Variants in TMIGD3 observed in about 807,000 individuals in gnomAD.
The protein encoded by TMIGD3 is transmembrane and immunoglobulin domain containing 3.
TMIGD3 carries 21 observed loss-of-function variants against 28.1 expected under a neutral mutation model. The ratio of observed to expected loss-of-function variants is 0.75; its 90% CI spans 0.53 to 1.08. The LOEUF (loss-of-function observed/expected upper bound fraction) is 1.08, where lower values mean the gene tolerates loss of function less well. Among genes scored for constraint, TMIGD3 ranks in the 50% least tolerant of loss-of-function variants. TMIGD3 has a pLI of 0.00. For synonymous variants in TMIGD3, 151 were observed against 162.1 expected, an observed-to-expected ratio of 0.93 and a Z score of 0.52; for missense variants, 416 against 435.6, an observed-to-expected ratio of 0.96 and a Z score of 0.40.
At chr1:111,529,332 A>C (rs1656370932) in intron 1 of TMIGD3, among the ~76,000 whole-genome samples, 1 of 151,698 alleles carries the variant, frequency 6.6e-6, no homozygotes, top group East Asian at 1.9e-4. Context: ...TACCTCAAGA[A>C]CCATTGTCAA....
intron 1 of TMIGD3, among the ~76,000 whole-genome samples, chr1:111,549,045 A>G (rs1657146158): frequency 6.6e-6 from 1 of 152,206 alleles, no homozygotes; most frequent in South Asian, 2.1e-4. Context: ...GATCCCTCAG[A>G]TAATCATTTT....
rs923276979 is a variant in TMIGD3 at position 111,519,574 on chromosome 1, A to G, written c.108-28812T>C. ...TAATCAAAGAGAGACCACCAGGCAC[A>G]TAATTATCAAGTTGCATACAGGAAG... On this transcript the variant is annotated intron_variant, in intron 1 of 5. Coordinates refer to the TMIGD3 transcript ENST00000369717. Among the ~76,000 whole-genome samples the G allele has an allele frequency of 1.3e-4, 20 of 152,244 alleles. 1 individual carries two copies. Among genetic ancestry groups the G allele is most frequent in the African/African-American group, 4.3e-4 (18 of 41,474 alleles).
At chr1:111,506,752 C>T (rs1655503300), upstream of TMIGD3, among the ~76,000 whole-genome samples, 1 of 151,920 alleles carries the variant, frequency 6.6e-6, no homozygotes, top group African/African-American at 2.4e-5. Flanking sequence ...TTGGCAACTG[C>T]TCTGAGCTAG....
intron 1 of TMIGD3, among the ~76,000 whole-genome samples, chr1:111,536,601 C>T (rs1016517499): frequency 2.6e-5 from 4 of 152,108 alleles, no homozygotes; most frequent in African/African-American, 9.7e-5. Context: ...CATTTCATCG[C>T]TCATACCCGC....
intron 1 of TMIGD3, among the ~76,000 whole-genome samples, chr1:111,532,422 C>T (rs942702750): frequency 4.6e-5 from 7 of 152,184 alleles, no homozygotes; most frequent in Admixed American, 2.0e-4. Context: ...CATTTGCACT[C>T]GCCAGAAGTA....
upstream of TMIGD3, among the ~76,000 whole-genome samples, chr1:111,507,497 T>G (rs1655548183): frequency 6.6e-6 from 1 of 152,174 alleles, no homozygotes; most frequent in Non-Finnish European, 1.5e-5. Flanking sequence ...TCTGAGAGGC[T>G]GGCAGCAGAG....
At chr1:111,553,052 T>C (rs927488555) in intron 1 of TMIGD3, among the ~76,000 whole-genome samples, 3 of 152,250 alleles carry the variant, frequency 2.0e-5, no homozygotes, top group Admixed American at 6.5e-5. Flanking sequence ...AAACACTTCA[T>C]ATTCAGATTG....
chr1:111,505,066 T>C (rs1170155654), upstream of TMIGD3: 4 of 980,588 alleles, frequency 4.1e-6, no homozygotes, highest in South Asian at 1.9e-4. Flanking sequence ...TTGTTTTCTT[T>C]ATCTGTGCTT....
chr1:111,554,191 C>G (rs1272376502), intron 1 of TMIGD3, among the ~76,000 whole-genome samples: 1 of 152,196 alleles, frequency 6.6e-6, no homozygotes, highest in East Asian at 1.9e-4. Flanking sequence ...ATCTCATAGA[C>G]TTCTTGTGAA....
intron 1 of TMIGD3, among the ~76,000 whole-genome samples, chr1:111,527,062 G>A (rs977689788): frequency 1.6e-5 from 2 of 127,888 alleles, no homozygotes; most frequent in African/African-American, 5.8e-5. Flanking sequence ...CCAGGCTAGA[G>A]TGCAGTGGTG....
At chr1:111,485,087 G>A (rs1429642014) in intron 5 of TMIGD3, among the ~76,000 whole-genome samples, 1 of 152,200 alleles carries the variant, frequency 6.6e-6, no homozygotes, top group African/African-American at 2.4e-5. Flanking sequence ...CTAAAGATCA[G>A]GCTTGAGGCA....
chr1:111,550,934 T>C (rs1657230403), intron 1 of TMIGD3, among the ~76,000 whole-genome samples: 1 of 152,268 alleles, frequency 6.6e-6, no homozygotes, highest in Non-Finnish European at 1.5e-5. Flanking sequence ...ATGTTTATCA[T>C]TGTTATATCT....
At chr1:111,488,594 A>T in intron 3 of TMIGD3, 83 bp downstream of exon 3, 1 of 1,299,228 alleles carries the variant, frequency 7.7e-7, no homozygotes, top group Non-Finnish European at 1.1e-6. Flanking sequence ...GTTGGGGCTC[A>T]CTGGCTTCAG....
intron 1 of TMIGD3, among the ~76,000 whole-genome samples, chr1:111,558,367 T>G (rs1016119940): frequency 6.9e-6 from 1 of 145,476 alleles, no homozygotes; most frequent in Non-Finnish European, 1.5e-5. Flanking sequence ...TTTTTTTTTG[T>G]CTTAAGACAG....
chr1:111,556,221 T>C (rs979390413), intron 1 of TMIGD3, among the ~76,000 whole-genome samples: 8 of 152,094 alleles, frequency 5.3e-5, no homozygotes, highest in Admixed American at 2.6e-4. Flanking sequence ...CAATGAGATA[T>C]CACTTTACAC....
chr1:111,545,589 T>G (rs931458326), intron 1 of TMIGD3, among the ~76,000 whole-genome samples: 3 of 152,168 alleles, frequency 2.0e-5, no homozygotes, highest in Non-Finnish European at 4.4e-5. Flanking sequence ...TTTACTTTCT[T>G]GCTAGTGCCC....
chr1:111,524,307 G>A (rs1020127947), intron 1 of TMIGD3, among the ~76,000 whole-genome samples: 1 of 152,086 alleles, frequency 6.6e-6, no homozygotes, highest in East Asian at 1.9e-4. Context: ...GGGATTACAG[G>A]CGTGAGCCAT....
chr1:111,534,803 G>T (rs1161250808), intron 1 of TMIGD3, among the ~76,000 whole-genome samples: 1 of 152,010 alleles, frequency 6.6e-6, no homozygotes, highest in Non-Finnish European at 1.5e-5. Flanking sequence ...GTGTGAGTGT[G>T]GACTCAATGC....
chr1:111,525,671 T>C (rs939958743), intron 1 of TMIGD3, among the ~76,000 whole-genome samples: 2 of 152,226 alleles, frequency 1.3e-5, no homozygotes, highest in African/African-American at 4.8e-5. Context: ...GAGACCAGCC[T>C]GGCCAACATA....
Sources: gnomAD v4.1 joint callset for allele counts (sites outside exome capture counted in the v4.1 genomes callset) on GRCh38, gnomAD v4.1.1 for gene constraint, MANE v1.5 for transcripts, NCBI Gene and HGNC (gene_info 2026-07-23, HGNC 2026-07-21) for gene names.